Variants in TSPEAR observed in about 807,000 individuals in gnomAD.
The protein encoded by TSPEAR is thrombospondin-type laminin G domain and EAR repeat-containing protein.
In TSPEAR, 69 loss-of-function variants were observed where a neutral mutation model predicts 71.6. That is an observed-to-expected ratio of 0.96 (90% confidence interval 0.79 to 1.18). The LOEUF (loss-of-function observed/expected upper bound fraction) is 1.18, where lower values mean the gene tolerates loss of function less well. TSPEAR is among the 50% of genes most tolerant of loss of function. The probability of loss-of-function intolerance (pLI) is 0.00; values close to 1 mark genes in which losing one functional copy is unlikely to be tolerated. For synonymous variants in TSPEAR, 402 were observed against 387.2 expected (o/e 1.04, Z -0.45); for missense variants, 971 against 894.9 (o/e 1.09, Z -1.09).
chr21:44,637,423 C>G, intron 1 of TSPEAR: 3 of 1,603,100 alleles, frequency 1.9e-6, no homozygotes, highest in Non-Finnish European at 2.6e-6. Flanking sequence ...CCAGCATGGC[C>G]GCCTCCACCA....
chr21:44,571,952 G>A (rs587713875), intron 1 of TSPEAR, among the ~76,000 whole-genome samples: 29 of 152,332 alleles, frequency 1.9e-4, no homozygotes, highest in African/African-American at 5.3e-4. Flanking sequence ...CGAGGCCCCC[G>A]GAGGGGCACC....
Position 44,593,168 on chromosome 21 carries a change from T to G in TSPEAR, c.83-25163A>C, listed in dbSNP as rs587732930. 6.6e-5 allele frequency among the ~76,000 whole-genome samples: 10 copies of G among 152,316 alleles called. No homozygotes were observed. In the South Asian group the frequency reaches 2.1e-3, roughly 32 times the overall value. ...TTGGCCCCTCCCTGCTTGGACAGCA[T>G]GACAGCCTTCTGGGCTGTGGTTTTG... On this transcript the variant is annotated intron_variant, in intron 1 of 11. Transcript: ENST00000323084. This position sits in a 1 kb window ranked among gnomAD's most constrained non-coding sequence, Gnocchi z 5.9.
chr21:44,518,357 C>A (rs782345621), intron 9 of TSPEAR: 2 of 454,154 alleles, frequency 4.4e-6, no homozygotes, highest in South Asian at 3.3e-5. Flanking sequence ...ACTGGGGCAT[C>A]TTGAGCACCT....
intron 1 of TSPEAR, among the ~76,000 whole-genome samples, chr21:44,685,464 C>T (rs1986812371): frequency 6.6e-6 from 1 of 152,024 alleles, no homozygotes; most frequent in Admixed American, 6.5e-5. Flanking sequence ...CTGACCAGAC[C>T]CACAGCGAGG....
In TSPEAR at chr21:44,601,674, C is replaced by T. The variant is rs782292504; in HGVS notation, c.83-33669G>A. 19 of 1,612,832 alleles carry T rather than the reference C, an allele frequency of 1.2e-5. No individual in the cohort carries two copies. In the Admixed American group the frequency reaches 2.3e-4, roughly 20 times the overall value. On this transcript the variant is annotated intron_variant, in intron 1 of 11. Transcript: ENST00000323084. Reference sequence around the variant, plus strand: ...CCTCCTGTGTGTCTCTCCTTTGCCGCCCCGCATGCTCCCGCCCGGCCTGCT... The same window carrying T: ...CCTCCTGTGTGTCTCTCCTTTGCCGTCCCGCATGCTCCCGCCCGGCCTGCT...
intron 1 of TSPEAR, chr21:44,682,234 C>T (rs1484830679): frequency 8.2e-6 from 10 of 1,222,612 alleles, no homozygotes; most frequent in Non-Finnish European, 9.1e-6. Context: ...CAGAAGCACA[C>T]ACCTGTTGTC....
chr21:44,517,804 C>T (rs2052626465), intron 9 of TSPEAR: 1 of 471,236 alleles, frequency 2.1e-6, no homozygotes, highest in South Asian at 1.5e-5. Flanking sequence ...ATGGGAAATC[C>T]CAGGCTGCCG....
At chr21:44,526,524 C>T (rs193275753) in intron 7 of TSPEAR, among the ~76,000 whole-genome samples, 3 of 152,216 alleles carry the variant, frequency 2.0e-5, no homozygotes, top group Admixed American at 1.3e-4. Context: ...GTTATTCACC[C>T]GCCATGCTGG....
At chr21:44,688,824 G>A (rs1986979942) in intron 1 of TSPEAR, among the ~76,000 whole-genome samples, 2 of 152,196 alleles carry the variant, frequency 1.3e-5, no homozygotes, top group Admixed American at 6.5e-5. Flanking sequence ...CAAGCCCAGC[G>A]GAAGGGGAGT....
chr21:44,530,041 A>G (rs782117301), intron 4 of TSPEAR, 87 bp from the exon 5 acceptor site: 97 of 1,367,214 alleles, frequency 7.1e-5, no homozygotes, highest in Non-Finnish European at 8.9e-5. Context: ...GCCCATCCAG[A>G]GCCCGGAGGA....
chr21:44,618,360 T>C (rs1228350406), intron 1 of TSPEAR, among the ~76,000 whole-genome samples: 1 of 152,192 alleles, frequency 6.6e-6, no homozygotes, highest in African/African-American at 2.4e-5. Context: ...TGAAACTGAG[T>C]CAATCAAAGT....
Position 44,697,025 on chromosome 21 carries a change from CG to C in TSPEAR, c.82+14407del. On this transcript the variant is annotated intron_variant, in intron 1 of 11. Transcript: ENST00000323084. ...CCCTCCTTCCCATCCAGCACCCAGA[CG>C]CTCACTCACTCCCTCCCTCCTGCCC... The C allele has an allele frequency of 6.7e-4, 607 of 904,642 alleles. 1 individual carries two copies. Among genetic ancestry groups the C allele is most frequent in the Admixed American group, 2.2e-3 (66 of 29,732 alleles). 56.0% of individuals were successfully genotyped at this position (904,642 alleles called of 1,614,324 possible).
Position 44,711,466 on chromosome 21 carries a change from C to T in TSPEAR, c.49G>A (p.Gly17Ser), listed in dbSNP as rs144037608. 1.8e-4 allele frequency: 294 copies of T among 1,611,270 alleles called. No homozygotes were observed. The highest frequency in any genetic ancestry group is 2.4e-4 in the Non-Finnish European group (280 of 1,179,154). Residue 17 changes from glycine to serine, a missense_variant, in exon 1 of 12, where the codon GGC becomes AGC. Gly to Ser is a moderately conservative substitution (Grantham distance 56). Transcript: ENST00000323084. The surrounding 1 kb of genome is among the most constrained non-coding windows in gnomAD (Gnocchi z 4.5). ...GGCTCCCAACCCTGCGTGCCGTGGCCGGGGGCCGCCAGGGGCAGCACAAAA... is the reference window on the plus strand; with the variant it reads ...GGCTCCCAACCCTGCGTGCCGTGGCTGGGGGCCGCCAGGGGCAGCACAAAA... ...LCFVLPLAAP[G>S]HGTQGWEPCT...
chr21:44,627,612 A>G (rs782417414), intron 1 of TSPEAR: 324 of 1,601,080 alleles, frequency 2.0e-4, no homozygotes, highest in Non-Finnish European at 6.2e-5. Context: ...TCTGCTGCAA[A>G]CCTGTGTGCT....
chr21:44,626,746 C>T (rs1982810750), intron 1 of TSPEAR, among the ~76,000 whole-genome samples: 1 of 152,120 alleles, frequency 6.6e-6, no homozygotes. Context: ...GCAGAGGAAG[C>T]CCGTGTCCTG....
In TSPEAR at chr21:44,695,245, A is replaced by T. The variant is rs1423014700; in HGVS notation, c.82+16188T>A. On this transcript the variant is annotated intron_variant, in intron 1 of 11. Transcript: ENST00000323084. This position sits in a 1 kb window ranked among gnomAD's most constrained non-coding sequence, Gnocchi z 4.5. ...CACACTCTCCTGGTCCTGTCCTGGCACCTTTGCTCCCACTGGACTGGACGC... is the reference window on the plus strand; with the variant it reads ...CACACTCTCCTGGTCCTGTCCTGGCTCCTTTGCTCCCACTGGACTGGACGC... Among the ~76,000 whole-genome samples, 1 of 152,016 alleles carries T rather than the reference A, an allele frequency of 6.6e-6. No homozygotes were observed. Among genetic ancestry groups the T allele is most frequent in the Non-Finnish European group, 1.5e-5 (1 of 68,000 alleles).
chr21:44,611,510 C>A (rs1162054713), intron 1 of TSPEAR, among the ~76,000 whole-genome samples: 8 of 151,968 alleles, frequency 5.3e-5, no homozygotes, highest in African/African-American at 1.9e-4. Context: ...TTTTTCCTCT[C>A]AGTCTTGGGT....
chr21:44,580,609 TG>T (rs1978902504), intron 1 of TSPEAR: 3 of 1,587,334 alleles, frequency 1.9e-6, no homozygotes, highest in Non-Finnish European at 2.6e-6. Context: ...AGCTGGGAGC[TG>T]GGGGAGGTGT....
At chr21:44,547,583 A>C (rs2053321858) in intron 2 of TSPEAR, among the ~76,000 whole-genome samples, 1 of 152,232 alleles carries the variant, frequency 6.6e-6, no homozygotes, top group Non-Finnish European at 1.5e-5. Flanking sequence ...GTCAAGTTAA[A>C]AAATAGTTTC....
Sources: allele counts gnomAD v4.1 joint callset (sites outside exome capture counted in the v4.1 genomes callset), GRCh38; gene constraint gnomAD v4.1.1; non-coding constraint Gnocchi (gnomAD v3.1); transcripts MANE v1.5; gene names NCBI Gene and HGNC (gene_info 2026-07-23, HGNC 2026-07-21).